The following ARB2A variants were observed in gnomAD, a reference collection of about 807,000 sequenced individuals.
The protein encoded by ARB2A is ARB2 cotranscriptional regulator A, also known as cotranscriptional regulator ARB2A.
At chr5:93,921,960 G>C in the ARB2A span, among the ~76,000 whole-genome samples, 1 of 152,028 alleles carries the variant, frequency 6.6e-6, no homozygotes, top group Non-Finnish European at 1.5e-5. Flanking sequence ...AAGATGTCGA[G>C]GTGGTCTACT....
the ARB2A span, among the ~76,000 whole-genome samples, chr5:93,826,292 G>A: frequency 1.3e-5 from 2 of 152,152 alleles, no homozygotes; most frequent in South Asian, 4.2e-4. Context: ...AGAATGTCAT[G>A]GATATTAGAC....
the ARB2A span, among the ~76,000 whole-genome samples, chr5:94,100,480 C>T: frequency 6.6e-6 from 1 of 152,100 alleles, no homozygotes; most frequent in Non-Finnish European, 1.5e-5. Flanking sequence ...AAATAGCCAA[C>T]ACAACGCTAA....
chr5:94,071,307 GGAGAAAACC>G, the ARB2A span, among the ~76,000 whole-genome samples: 6 of 152,142 alleles, frequency 3.9e-5, no homozygotes, highest in Admixed American at 1.3e-4. Context: ...AGAATGCATA[GGAGAAAACC>G]TTCATAAACT....
At chr5:93,653,313 C>T in the ARB2A span, among the ~76,000 whole-genome samples, 2 of 151,072 alleles carry the variant, frequency 1.3e-5, no homozygotes, top group Non-Finnish European at 3.0e-5. Context: ...TCGAGACCAT[C>T]CTGGCTAATA....
chr5:93,784,481 C>T, the ARB2A span: 26 of 1,612,026 alleles, frequency 1.6e-5, no homozygotes, highest in African/African-American at 6.7e-5. Context: ...TTTTTTACAT[C>T]GGCTTCTCGT....
the ARB2A span, among the ~76,000 whole-genome samples, chr5:93,904,839 T>C: frequency 1.3e-5 from 2 of 151,672 alleles, no homozygotes; most frequent in South Asian, 2.1e-4. Flanking sequence ...AAGAGGAAAA[T>C]CTCATTTATG....
At chr5:93,744,347 A>G in the ARB2A span, among the ~76,000 whole-genome samples, 6,318 of 142,698 alleles carry the variant, frequency 0.044, 413 homozygotes, top group African/African-American at 0.15. Flanking sequence ...AGGCAGGAGA[A>G]TTGCTTGAAC....
chr5:93,938,891 C>T, the ARB2A span, among the ~76,000 whole-genome samples: 1 of 152,158 alleles, frequency 6.6e-6, no homozygotes, highest in Admixed American at 6.5e-5. Context: ...AAAAGCAATA[C>T]TTTTTAAGCC....
At chr5:93,883,759 C>G in the ARB2A span, among the ~76,000 whole-genome samples, 3 of 151,478 alleles carry the variant, frequency 2.0e-5, no homozygotes, top group Non-Finnish European at 4.4e-5. Context: ...AGTACACTGT[C>G]TCTGGTGTAA....
chr5:93,960,742 T>C, the ARB2A span, among the ~76,000 whole-genome samples: 6 of 152,304 alleles, frequency 3.9e-5, no homozygotes, highest in East Asian at 3.9e-4. Context: ...TACATAATTA[T>C]AGAGAATTTT....
chr5:94,061,171 G>A, the ARB2A span, among the ~76,000 whole-genome samples: 14 of 152,224 alleles, frequency 9.2e-5, no homozygotes, highest in African/African-American at 3.4e-4. Context: ...CCGGGAGGCA[G>A]AGCTTGCAAT....
At chr5:93,782,685 C>T in the ARB2A span, among the ~76,000 whole-genome samples, 7 of 152,030 alleles carry the variant, frequency 4.6e-5, no homozygotes, top group East Asian at 7.7e-4. Context: ...TCTTTACATA[C>T]GTTATTTTCC....
the ARB2A span, among the ~76,000 whole-genome samples, chr5:93,978,516 C>G: frequency 1.3e-5 from 2 of 152,016 alleles, no homozygotes; most frequent in Non-Finnish European, 2.9e-5. Context: ...AATGCAGAAA[C>G]AAAACCAAAT....
At chr5:93,716,191 T>A in the ARB2A span, among the ~76,000 whole-genome samples, 1 of 152,158 alleles carries the variant, frequency 6.6e-6, no homozygotes, top group African/African-American at 2.4e-5. Context: ...TATATTTAAA[T>A]GCAGAAAGAT....
chr5:93,993,732 T>G, the ARB2A span, among the ~76,000 whole-genome samples: 1 of 151,926 alleles, frequency 6.6e-6, no homozygotes, highest in East Asian at 1.9e-4. Flanking sequence ...AATGGGCTGT[T>G]AGAAAATTTC....
the ARB2A span, among the ~76,000 whole-genome samples, chr5:93,988,079 A>G: frequency 6.6e-6 from 1 of 152,072 alleles, no homozygotes; most frequent in Non-Finnish European, 1.5e-5. Flanking sequence ...CAAGTCCCTC[A>G]AGCTCATATT....
the ARB2A span, among the ~76,000 whole-genome samples, chr5:93,845,141 G>A: frequency 1.3e-5 from 2 of 152,192 alleles, no homozygotes; most frequent in Non-Finnish European, 2.9e-5. Context: ...GATCTTGTAA[G>A]TGCTTTGGGA....
the ARB2A span, among the ~76,000 whole-genome samples, chr5:93,944,644 G>A: frequency 8.0e-4 from 122 of 151,588 alleles, no homozygotes; most frequent in Non-Finnish European, 1.6e-3. Flanking sequence ...AGATAGGGAG[G>A]AGGGAGAAAA....
chr5:93,803,951 G>A, the ARB2A span, among the ~76,000 whole-genome samples: 2 of 151,962 alleles, frequency 1.3e-5, no homozygotes, highest in Non-Finnish European at 2.9e-5. Context: ...GAGAGAAATA[G>A]TGATTCAGAG....
Sources: allele counts gnomAD v4.1 joint callset (sites outside exome capture counted in the v4.1 genomes callset), GRCh38; gene constraint gnomAD v4.1.1; transcripts MANE v1.5; gene names NCBI Gene and HGNC (gene_info 2026-07-23, HGNC 2026-07-21).